Variants in KLHL20 observed in about 807,000 individuals in gnomAD.
The protein encoded by KLHL20 is kelch like family member 20, also known as kelch-like protein 20.
Under a neutral mutation model 69.5 loss-of-function variants are expected in KLHL20, and 29 were observed. The observed-to-expected ratio is 0.42, with a 90% CI of 0.31 to 0.57. The LOEUF (loss-of-function observed/expected upper bound fraction) is 0.57, where lower values mean the gene tolerates loss of function less well. KLHL20 is among the 20% of genes least tolerant of loss of function. KLHL20 has a pLI of 0.18. For missense variants in KLHL20, 419 were observed against 776.0 expected (o/e 0.54, Z 5.47); for synonymous variants, 253 against 265.2 (o/e 0.95, Z 0.45).
chr1:173,726,337 A>C (rs970570377), intron 2 of KLHL20, among the ~76,000 whole-genome samples: 62 of 152,186 alleles, frequency 4.1e-4, no homozygotes, highest in Non-Finnish European at 7.5e-4. Flanking sequence ...ATAGCCAAAA[A>C]AAAAAAGGCA....
chr1:173,716,490 A>G lies in KLHL20; in HGVS notation c.23+424A>G, dbSNP rs185078075. ...TTATTTCCTTGATGTTCAATCATACATTTGTTCTGTTAATTAAAATAGCTG... is the reference window on the plus strand; with the variant it reads ...TTATTTCCTTGATGTTCAATCATACGTTTGTTCTGTTAATTAAAATAGCTG... On this transcript the variant is annotated intron_variant, in intron 2 of 11. Coordinates refer to ENST00000209884, the MANE Select transcript of KLHL20 (RefSeq NM_014458.4). 1.1e-3 allele frequency among the ~76,000 whole-genome samples: 175 copies of G among 152,252 alleles called. 1 individual carries two copies. The highest frequency in any genetic ancestry group is 4.1e-3 in the African/African-American group (171 of 41,558).
chr1:173,750,488 C>CTT (rs61411580), intron 3 of KLHL20, among the ~76,000 whole-genome samples: 7 of 139,968 alleles, frequency 5.0e-5, no homozygotes, highest in South Asian at 2.3e-4. Context: ...TTTTCTTTTT[C>CTT]TTTTTTTTTT....
intron 7 of KLHL20, among the ~76,000 whole-genome samples, chr1:173,765,725 CAAA>C (rs1188802785): frequency 6.6e-6 from 1 of 151,786 alleles, no homozygotes; most frequent in Non-Finnish European, 1.5e-5. Flanking sequence ...AAATAGATCT[CAAA>C]AAACGTTGAG....
intron 2 of KLHL20, among the ~76,000 whole-genome samples, chr1:173,733,370 C>T (rs777201459): frequency 1.3e-5 from 2 of 152,176 alleles, no homozygotes; most frequent in Non-Finnish European, 2.9e-5. Context: ...TTAATTGAAG[C>T]GTGTTAACTT....
chr1:173,715,580 T>G (rs1445465497), intron 1 of KLHL20: 1 of 155,776 alleles, frequency 6.4e-6, no homozygotes, highest in Non-Finnish European at 1.4e-5. Flanking sequence ...CGCCTCCTCC[T>G]CCTGTCACTT....
At chr1:173,781,166 G>C (rs1416247588) in intron 10 of KLHL20, among the ~76,000 whole-genome samples, 2 of 152,132 alleles carry the variant, frequency 1.3e-5, no homozygotes, top group African/African-American at 4.8e-5. Context: ...TTTTACTGCA[G>C]CAATAGGATT....
intron 3 of KLHL20, among the ~76,000 whole-genome samples, chr1:173,739,932 C>T (rs778087207): frequency 7.9e-5 from 12 of 152,014 alleles, no homozygotes; most frequent in Non-Finnish European, 1.0e-4. Flanking sequence ...TGAGCCACCA[C>T]GCCCAGCCCC....
At chr1:173,754,235 C>T (rs188682376) in intron 5 of KLHL20, among the ~76,000 whole-genome samples, 1 of 152,116 alleles carries the variant, frequency 6.6e-6, no homozygotes, top group African/African-American at 2.4e-5. Context: ...ATTAATCATT[C>T]TTCATTTTTC....
intron 3 of KLHL20, among the ~76,000 whole-genome samples, chr1:173,739,177 A>C (rs568474876): frequency 3.3e-5 from 5 of 152,086 alleles, no homozygotes; most frequent in African/African-American, 9.6e-5. Flanking sequence ...CATTCAAGCG[A>C]TTCTCCTGCC....
chr1:173,738,609 G>A (rs1370074407), intron 3 of KLHL20, among the ~76,000 whole-genome samples: 4 of 152,158 alleles, frequency 2.6e-5, no homozygotes, highest in Non-Finnish European at 4.4e-5. Flanking sequence ...TTCCTGTTCA[G>A]TATAATATTG....
chr1:173,750,611 AC>A (rs1366824140), intron 3 of KLHL20, among the ~76,000 whole-genome samples: 2 of 150,894 alleles, frequency 1.3e-5, no homozygotes, highest in Non-Finnish European at 2.9e-5. Context: ...TCAGGGTTTC[AC>A]CATGTTGGCC....
chr1:173,723,012 A>G (rs1037936819), intron 2 of KLHL20, among the ~76,000 whole-genome samples: 9 of 152,114 alleles, frequency 5.9e-5, no homozygotes, highest in Non-Finnish European at 8.8e-5. Flanking sequence ...TAAAAGAAAA[A>G]CGGAGACATT....
chr1:173,747,911 A>C (rs189385621), intron 3 of KLHL20, among the ~76,000 whole-genome samples: 1 of 151,816 alleles, frequency 6.6e-6, no homozygotes, highest in East Asian at 1.9e-4. Flanking sequence ...AAAAATGATG[A>C]AACTCCATCT....
chr1:173,745,144 A>G (rs1416104361), intron 3 of KLHL20, among the ~76,000 whole-genome samples: 9 of 142,610 alleles, frequency 6.3e-5, no homozygotes, highest in African/African-American at 2.3e-4. Context: ...GGTTTTATTC[A>G]TCTAACTTTT....
At chr1:173,717,023 G>T (rs1406805574) in intron 2 of KLHL20, among the ~76,000 whole-genome samples, 1 of 152,096 alleles carries the variant, frequency 6.6e-6, no homozygotes, top group East Asian at 1.9e-4. Flanking sequence ...CAGATGAAAA[G>T]ATGTTATCAA....
chr1:173,749,898 C>T (rs1673226005), intron 3 of KLHL20, among the ~76,000 whole-genome samples: 1 of 152,160 alleles, frequency 6.6e-6, no homozygotes, highest in South Asian at 2.1e-4. Context: ...GACCAATGCA[C>T]TTACTAGAGC....
At chr1:173,784,258 A>G (rs1299375301) in intron 11 of KLHL20, among the ~76,000 whole-genome samples, 1 of 152,200 alleles carries the variant, frequency 6.6e-6, no homozygotes, top group East Asian at 1.9e-4. Context: ...GGAAGGCCTC[A>G]TTGGAAAGGT....
intron 2 of KLHL20, among the ~76,000 whole-genome samples, chr1:173,725,499 A>T (rs1050694890): frequency 5.3e-5 from 8 of 152,242 alleles, no homozygotes; most frequent in African/African-American, 1.7e-4. Context: ...TGTAAAACTT[A>T]TAGACACATA....
intron 3 of KLHL20, chr1:173,734,650 A>T (rs1191271890): frequency 4.6e-6 from 1 of 216,940 alleles, no homozygotes; most frequent in East Asian, 1.2e-4. Context: ...TGGATTATTC[A>T]GAATAAATTA....
Sources: gnomAD v4.1 joint callset for allele counts (sites outside exome capture counted in the v4.1 genomes callset) on GRCh38, gnomAD v4.1.1 for gene constraint, MANE v1.5 for transcripts, NCBI Gene and HGNC (gene_info 2026-07-23, HGNC 2026-07-21) for gene names.